Variants in TENM1 observed in about 807,000 individuals in gnomAD.
TENM1 encodes teneurin-1.
TENM1 carries 35 observed loss-of-function variants against 174.8 expected under a neutral mutation model. The observed-to-expected ratio is 0.20, with a 90% CI of 0.15 to 0.27. The LOEUF is 0.27. TENM1 is among the 10% of genes least tolerant of loss of function. TENM1 has a pLI of 1.00. For synonymous variants in TENM1, 781 were observed against 798.7 expected (o/e 0.98, Z 0.37); for missense variants, 1,633 against 2,130.1 (o/e 0.77, Z 4.59).
At chrX:124,541,772 A>G (rs542124072) in intron 15 of TENM1, among the ~76,000 whole-genome samples, 54 of 112,233 alleles carry the variant, frequency 4.8e-4, no homozygotes, top group African/African-American at 1.6e-3. Flanking sequence ...AAGGTGGCCA[A>G]AAATTATTTG....
chrX:124,528,111 G>T (rs2048022553), intron 16 of TENM1, among the ~76,000 whole-genome samples: 1 of 109,514 alleles, frequency 9.1e-6, no homozygotes, highest in Non-Finnish European at 1.9e-5. Flanking sequence ...GGCATTTGGG[G>T]CCCATATTTT....
intron 3 of TENM1, among the ~76,000 whole-genome samples, chrX:124,797,362 G>A (rs1019868734): frequency 9.0e-6 from 1 of 111,495 alleles, no homozygotes; most frequent in South Asian, 3.8e-4. Flanking sequence ...TGCCCAAGAT[G>A]GATTTTAGGA....
the TENM1 span, among the ~76,000 whole-genome samples, chrX:125,128,040 T>C: frequency 9.0e-6 from 1 of 111,377 alleles, no homozygotes; most frequent in Non-Finnish European, 1.9e-5. Context: ...TATTAACAAG[T>C]ATACATGATT....
chrX:125,190,437 A>T, the TENM1 span, among the ~76,000 whole-genome samples: 1 of 112,466 alleles, frequency 8.9e-6, no homozygotes, highest in Non-Finnish European at 1.9e-5. Context: ...TTTCCACAGC[A>T]ATATGAACAA....
At chrX:124,492,852 C>T (rs1219023379) in intron 20 of TENM1, among the ~76,000 whole-genome samples, 2 of 110,144 alleles carry the variant, frequency 1.8e-5, no homozygotes, top group African/African-American at 3.3e-5. Flanking sequence ...GAAAAAAATG[C>T]GATCCCTTAA....
intron 3 of TENM1, among the ~76,000 whole-genome samples, chrX:124,766,470 T>G (rs1382322490): frequency 9.0e-6 from 1 of 111,724 alleles, no homozygotes; most frequent in Admixed American, 9.5e-5. Flanking sequence ...ATATTTTAAC[T>G]GTGGGAAACG....
chrX:125,024,716 T>A, the TENM1 span, among the ~76,000 whole-genome samples: 1 of 111,623 alleles, frequency 9.0e-6, no homozygotes, highest in Non-Finnish European at 1.9e-5. Flanking sequence ...ATATTATCCA[T>A]GTAACAGAAC....
the TENM1 span, among the ~76,000 whole-genome samples, chrX:124,974,273 C>T: frequency 1.8e-5 from 2 of 111,810 alleles, no homozygotes; most frequent in Non-Finnish European, 1.9e-5. Context: ...GTTCCCACCT[C>T]TCAACACTGT....
chrX:124,529,328 A>G (rs1363297799), intron 16 of TENM1, among the ~76,000 whole-genome samples: 2 of 112,068 alleles, frequency 1.8e-5, no homozygotes, highest in East Asian at 2.8e-4. Context: ...GAACCCCCTT[A>G]GAGAGCAGCC....
Position 124,734,943 on chromosome X carries a change from C to A in TENM1, c.776+2014G>T, listed in dbSNP as rs5958571. Among the ~76,000 whole-genome samples, 102 of 111,796 alleles carry A rather than the reference C, an allele frequency of 9.1e-4. 2 individuals carry two copies. Among genetic ancestry groups the A allele is most frequent in the African/African-American group, 3.2e-3 (98 of 30,796 alleles). ...CCCTCACTGTATACAAAAATTAACT[C>A]AAGATGGATTAAATACTTAAATATA... On this transcript the variant is annotated intron_variant, in intron 4 of 31. Transcript: ENST00000422452.
intron 3 of TENM1, among the ~76,000 whole-genome samples, chrX:124,744,428 G>A (rs1252518046): frequency 8.9e-6 from 1 of 111,807 alleles, no homozygotes; most frequent in Non-Finnish European, 1.9e-5. Context: ...TTAAACGTTA[G>A]TATACGGTAT....
the TENM1 span, among the ~76,000 whole-genome samples, chrX:125,004,673 ATTGT>A: frequency 6.1e-3 from 687 of 112,156 alleles, 3 homozygotes; most frequent in Non-Finnish European, 1.0e-2. Context: ...TATCAACTAT[ATTGT>A]TTAATTATTA....
intron 1 of TENM1, among the ~76,000 whole-genome samples, chrX:124,935,049 T>C (rs1270852559): frequency 9.1e-6 from 1 of 109,446 alleles, no homozygotes; most frequent in East Asian, 2.9e-4. Context: ...AAGGATTAAA[T>C]TAATGCTTTG....
At chrX:124,450,275 G>A (rs1296001159) in intron 23 of TENM1, among the ~76,000 whole-genome samples, 3 of 109,362 alleles carry the variant, frequency 2.7e-5, no homozygotes, top group Non-Finnish European at 5.7e-5. Flanking sequence ...CAGGAGAATG[G>A]CGTGAACCCG....
chrX:124,897,086 C>G (rs767623772), intron 1 of TENM1, among the ~76,000 whole-genome samples: 1 of 111,435 alleles, frequency 9.0e-6, no homozygotes, highest in Non-Finnish European at 1.9e-5. Flanking sequence ...GCCCTTTTTC[C>G]TAAAACACCC....
chrX:125,111,892 T>C, the TENM1 span, among the ~76,000 whole-genome samples: 2 of 111,774 alleles, frequency 1.8e-5, no homozygotes, highest in Admixed American at 9.5e-5. Context: ...AATTATTTTA[T>C]GATTTATTCA....
intron 11 of TENM1, among the ~76,000 whole-genome samples, chrX:124,595,774 C>A (rs1253303305): frequency 9.0e-6 from 1 of 111,606 alleles, no homozygotes; most frequent in Admixed American, 9.5e-5. Context: ...ATCATGAAAG[C>A]ACTCCGATTA....
intron 21 of TENM1, among the ~76,000 whole-genome samples, chrX:124,486,186 C>A (rs1391631032): frequency 8.9e-6 from 1 of 111,858 alleles, no homozygotes; most frequent in African/African-American, 3.2e-5. Context: ...CCTTGTGTCT[C>A]AATGCAAATT....
At chrX:124,796,595 T>C (rs2055310123) in intron 3 of TENM1, among the ~76,000 whole-genome samples, 1 of 111,744 alleles carries the variant, frequency 8.9e-6, no homozygotes, top group Non-Finnish European at 1.9e-5. Context: ...TACGACTATC[T>C]TGGGACTGGC....
Sources: gnomAD v4.1 joint callset for allele counts (sites outside exome capture counted in the v4.1 genomes callset) on GRCh38, gnomAD v4.1.1 for gene constraint, MANE v1.5 for transcripts, NCBI Gene and HGNC (gene_info 2026-07-23, HGNC 2026-07-21) for gene names.